Variants in EMSY observed in about 807,000 individuals in gnomAD.
EMSY encodes the protein EMSY transcriptional repressor, BRCA2 interacting.
EMSY carries 26 observed loss-of-function variants against 134.6 expected under a neutral mutation model. The ratio of observed to expected loss-of-function variants is 0.19; its 90% confidence interval spans 0.14 to 0.27. The LOEUF (loss-of-function observed/expected upper bound fraction) is 0.27. EMSY is among the 10% of genes least tolerant of loss of function. EMSY has a pLI of 1.00. For missense variants in EMSY, 1,305 were observed against 1,611.4 expected (o/e 0.81, Z 3.26); for synonymous variants, 579 against 577.8 (o/e 1.00, Z -0.03).
intron 2 of EMSY, among the ~76,000 whole-genome samples, chr11:76,447,886 AT>A (rs1414561975): frequency 2.0e-5 from 3 of 152,212 alleles, no homozygotes; most frequent in African/African-American, 7.2e-5. Flanking sequence ...ATTGAAAAAA[AT>A]AATTTGAAAA....
intron 8 of EMSY, among the ~76,000 whole-genome samples, chr11:76,494,501 T>C (rs1949548916): frequency 6.6e-6 from 1 of 152,154 alleles, no homozygotes; most frequent in Admixed American, 6.5e-5. Context: ...GCTCCAGAGA[T>C]AGTCTAGTTC....
chr11:76,511,100 T>A (rs1950260831), intron 9 of EMSY, among the ~76,000 whole-genome samples: 1 of 141,068 alleles, frequency 7.1e-6, no homozygotes. Flanking sequence ...TTGGAATGGC[T>A]TTAAGTACAT....
intron 9 of EMSY, among the ~76,000 whole-genome samples, chr11:76,510,939 T>G (rs1950253361): frequency 1.3e-5 from 2 of 152,206 alleles, no homozygotes; most frequent in African/African-American, 2.4e-5. Flanking sequence ...TCAATGAATT[T>G]TTTGAGATTT....
intron 6 of EMSY, among the ~76,000 whole-genome samples, chr11:76,462,683 A>G (rs1948173637): frequency 6.6e-6 from 1 of 152,174 alleles, no homozygotes; most frequent in South Asian, 2.1e-4. Flanking sequence ...TCAGAGATGG[A>G]TAGAATGTGG....
At position 76,510,905 on chromosome 11, in the gene EMSY, TAAA is replaced by T. The variant is rs1950251857; in HGVS notation, c.1364-2480_1364-2478del. 4.6e-5 allele frequency among the ~76,000 whole-genome samples: 7 copies of T among 152,370 alleles called. No homozygotes were observed. In the South Asian group the frequency reaches 1.4e-3, roughly 32 times the overall value. On this transcript the variant is annotated intron_variant, in intron 9 of 20. Transcript: ENST00000334736. Reference sequence around the variant, plus strand: ...GGGGAAGGAGGAAATGCTCTTGGTTTAAATACCACAGATTTTGCCTTTCTCAAT... The same window carrying T: ...GGGGAAGGAGGAAATGCTCTTGGTTTTACCACAGATTTTGCCTTTCTCAAT...
intron 8 of EMSY, among the ~76,000 whole-genome samples, chr11:76,485,975 A>G (rs1362711857): frequency 6.6e-6 from 1 of 152,222 alleles, no homozygotes; most frequent in East Asian, 1.9e-4. Flanking sequence ...AGCCCTGTTC[A>G]CAATAGCAAA....
At chr11:76,518,029 A>C (rs1017615257) in intron 11 of EMSY, among the ~76,000 whole-genome samples, 1 of 152,156 alleles carries the variant, frequency 6.6e-6, no homozygotes, top group African/African-American at 2.4e-5. Flanking sequence ...ATTATAGGTT[A>C]GTTTTAAAAT....
intron 2 of EMSY, among the ~76,000 whole-genome samples, chr11:76,448,329 C>CT (rs540776567): frequency 7.5e-4 from 108 of 144,544 alleles, no homozygotes; most frequent in African/African-American, 6.1e-4. Flanking sequence ...GGATGTCAAT[C>CT]TTTTTTTTTT....
chr11:76,484,064 G>A (rs1949085721), intron 8 of EMSY, among the ~76,000 whole-genome samples: 1 of 152,142 alleles, frequency 6.6e-6, no homozygotes, highest in African/African-American at 2.4e-5. Context: ...AGACCACGGG[G>A]CAATCAAATT....
At chr11:76,525,803 A>C (rs1160505871) in intron 12 of EMSY, among the ~76,000 whole-genome samples, 1 of 152,110 alleles carries the variant, frequency 6.6e-6, no homozygotes, top group Non-Finnish European at 1.5e-5. Context: ...ATGTAACCTT[A>C]TATATTATTA....
At position 76,448,593 on chromosome 11, in the gene EMSY, G is replaced by A. The variant is rs112899635; in HGVS notation, c.70+1585G>A. 3.5e-3 allele frequency among the ~76,000 whole-genome samples: 530 copies of A among 151,664 alleles called. 1 individual carries two copies. Among genetic ancestry groups the A allele is most frequent in the Non-Finnish European group, 5.8e-3 (397 of 67,880 alleles). On this transcript the variant is annotated intron_variant, in intron 2 of 20. Coordinates refer to ENST00000334736, the Ensembl canonical transcript of EMSY. ...TTCCTAATTTAATCAGAGCTGTGTG[G>A]GTAATGTTGCTGCAGAGTGCTTCTA...
intron 8 of EMSY, among the ~76,000 whole-genome samples, chr11:76,484,668 C>G (rs1949108872): frequency 2.0e-5 from 3 of 152,196 alleles, no homozygotes; most frequent in Admixed American, 2.0e-4. Flanking sequence ...GGCGCAGTGG[C>G]TCATGCCTGT....
At chr11:76,502,049 AAAAAAAAAAAAAACCCACCAACTAAG>A (rs990158348) in intron 9 of EMSY, among the ~76,000 whole-genome samples, 6 of 150,732 alleles carry the variant, frequency 4.0e-5, no homozygotes, top group Non-Finnish European at 7.4e-5. Flanking sequence ...GAAATGAAAA[AAAAAAAAAAAAAACCCACCAACTAAG>A]AATCCTATAT....
chr11:76,488,007 C>G (rs2135622976), intron 8 of EMSY, among the ~76,000 whole-genome samples: 1 of 152,220 alleles, frequency 6.6e-6, no homozygotes, highest in East Asian at 1.9e-4. Flanking sequence ...AAAAAATGTT[C>G]TTTGAACTTC....
In EMSY at chr11:76,527,334, TA is replaced by T. The variant is rs200392520; in HGVS notation, c.1995+709del. ...ATTATAGCCAAATACTTTACGTATC[TA>T]AAAAAAAAATAAGCTTTGTGACAAG... is the stretch of plus-strand genomic sequence containing the variant. On this transcript the variant is annotated intron_variant, in intron 13 of 20. Transcript: ENST00000334736. Among the ~76,000 whole-genome samples, 314 of 149,438 alleles carry T rather than the reference TA, an allele frequency of 2.1e-3. 1 individual carries two copies. Among genetic ancestry groups the T allele is most frequent in the African/African-American group, 7.2e-3 (293 of 40,882 alleles).
At chr11:76,537,807 T>G (rs1951281169) in exon 16 of EMSY, 2 of 1,598,990 alleles carry the variant, frequency 1.3e-6, no homozygotes, top group Non-Finnish European at 1.7e-6. Flanking sequence ...AAGGAAAAAT[T>G]GGAATCTAAA....
chr11:76,546,427 T>G, intron 20 of EMSY, 130 bp downstream of exon 21: 1 of 1,289,274 alleles, frequency 7.8e-7, no homozygotes. Context: ...ATCTTTGAGA[T>G]GGTGTTTGAC....
intron 8 of EMSY, among the ~76,000 whole-genome samples, chr11:76,495,118 C>T (rs929518706): frequency 6.6e-6 from 1 of 152,202 alleles, no homozygotes; most frequent in East Asian, 1.9e-4. Flanking sequence ...AGGAAAAATT[C>T]AACAAGTGAG....
Position 76,528,221 on chromosome 11 carries a change from A to G in EMSY, c.1996-47A>G, listed in dbSNP as rs750394002. On this transcript the variant is annotated intron_variant, in intron 13 of 20. Coordinates refer to ENST00000334736, the Ensembl canonical transcript of EMSY. ...TGACCTAGAAGTTTAGCATTTTTAA[A>G]TCGTTTTCTAAAATTTTATCTCAGT... is the stretch of plus-strand genomic sequence containing the variant. The G allele has an allele frequency of 2.4e-5, 37 of 1,521,066 alleles. 1 individual carries two copies. The East Asian group carries it at 7.0e-4, about 29-fold the overall frequency. The allele number at this position is 1,521,066 out of a possible 1,614,324, so 94.2% of individuals were successfully genotyped here.
Sources: gnomAD v4.1 joint callset for allele counts (sites outside exome capture counted in the v4.1 genomes callset) on GRCh38, gnomAD v4.1.1 for gene constraint, MANE v1.5 for transcripts, NCBI Gene and HGNC (gene_info 2026-07-23, HGNC 2026-07-21) for gene names.